The following TM2D3 variants were observed in gnomAD, a reference collection of about 807,000 sequenced individuals.
The protein encoded by TM2D3 is TM2 domain containing 3.
A neutral mutation model predicts 27.3 loss-of-function variants in TM2D3; 33 were observed. The observed-to-expected ratio is 1.21, with a 90% CI of 0.92 to 1.61. TM2D3 has a LOEUF of 1.61. Among genes scored for constraint, TM2D3 ranks in the 40% most tolerant of loss-of-function variants. TM2D3 has a pLI of 0.00. For missense variants in TM2D3, 364 were observed against 320.8 expected, an observed-to-expected ratio of 1.13 and a Z score of -1.03; for synonymous variants, 138 against 122.2, an observed-to-expected ratio of 1.13 and a Z score of -0.85.
chr15:101,648,458 CTTTT>C lies in TM2D3; in HGVS notation c.327+1542_327+1545del, dbSNP rs963961918. On this transcript the variant is annotated intron_variant, in intron 3 of 5. Transcript: ENST00000333202. ...TTTTCAGTGATGTGCTTAAAACACACTTTTTTTAATGGTTTTTTAAAAAGTAGGT... is the reference window on the plus strand; with the variant it reads ...TTTTCAGTGATGTGCTTAAAACACACTTTAATGGTTTTTTAAAAAGTAGGT... 6 of 152,140 alleles carry C rather than the reference CTTTT, an allele frequency of 3.9e-5. No individual in the cohort carries two copies. The East Asian group carries it at 7.7e-4, about 20-fold the overall frequency. 9.4% of individuals were successfully genotyped at this position (152,140 alleles called of 1,614,324 possible).
At chr15:101,650,205 T>G in intron 2 of TM2D3, 44 bp from the exon 3 acceptor site, 1 of 1,574,980 alleles carries the variant, frequency 6.3e-7, no homozygotes, top group Non-Finnish European at 8.7e-7. Context: ...TAATACTGAT[T>G]CGAATAACAG....
In TM2D3 at chr15:101,652,331, G is replaced by C. The variant is rs376907195; in HGVS notation, c.31C>G (p.Leu11Val). MAGGVLPLRG[L>V]RALCRVLLFL... ...AGCAGCACGCGACACAAGGCGCGGA[G>C]GCCCCTCAGCGGGAGCACCCCTCCC... Residue 11 changes from leucine (L) to valine (V), a missense_variant, in exon 1 of 6, where the codon CTC (leucine) becomes GTC (valine). Physicochemically the swap from Leu to Val is conservative, Grantham distance 32. Transcript: ENST00000333202. The C allele has an allele frequency of 6.2e-7, 1 of 1,602,050 alleles. No individual in the cohort carries two copies. The highest frequency in any genetic ancestry group is 8.5e-7 in the Non-Finnish European group (1 of 1,175,104).
intron 1 of TM2D3, 55 bp downstream of exon 1, chr15:101,652,216 C>T: frequency 1.3e-6 from 2 of 1,509,046 alleles, no homozygotes; most frequent in East Asian, 2.4e-5. Flanking sequence ...TCGCAGCTCC[C>T]GGGGCCCTGC....
chr15:101,638,347 T>G (rs148392699), downstream of TM2D3, among the ~76,000 whole-genome samples: 462 of 149,666 alleles, frequency 3.1e-3, 4 homozygotes, highest in African/African-American at 0.011. Context: ...CAGGCTGGAG[T>G]GCAATGGTAT....
rs1434094086 is a variant in TM2D3 at position 101,642,559 on chromosome 15, G to A, written c.664C>T (p.Leu222=). 6.2e-7 allele frequency: 1 copy of A among 1,613,064 alleles called. No individual in the cohort carries two copies. The highest frequency in any genetic ancestry group is 1.3e-5 in the African/African-American group (1 of 74,884). The change falls in exon 6 of 6, where the codon CTG becomes TTG. Residue 222 remains leucine (L), a synonymous_variant. Transcript: ENST00000333202. ...ACGTCTATCAGCGTCCATATTCCCA[G>A]GCCACCGAAGCTGAAGAGCTTGCCG... is the stretch of plus-strand genomic sequence containing the variant. ...GLGKLFSFGG[L]GIWTLIDVLL...
downstream of TM2D3, among the ~76,000 whole-genome samples, chr15:101,637,905 A>T (rs991050909): frequency 6.6e-6 from 1 of 152,130 alleles, no homozygotes; most frequent in Non-Finnish European, 1.5e-5. Flanking sequence ...CTCTTCGAGC[A>T]TTTTGCAAGT....
At chr15:101,642,847 CA>C (rs1740419680) in intron 5 of TM2D3, among the ~76,000 whole-genome samples, 1 of 152,154 alleles carries the variant, frequency 6.6e-6, no homozygotes, top group Non-Finnish European at 1.5e-5. Flanking sequence ...CAAAAGTAAA[CA>C]TACAATTTTT....
chr15:101,637,602 A>T (rs1896577542), downstream of TM2D3, among the ~76,000 whole-genome samples: 1 of 152,184 alleles, frequency 6.6e-6, no homozygotes, highest in Admixed American at 6.5e-5. Flanking sequence ...AGCCCCTTAG[A>T]TAGGAATTTG....
intron 3 of TM2D3, 32 bp from the exon 4 acceptor site, chr15:101,646,931 C>G (rs1193455770): frequency 1.2e-6 from 2 of 1,612,576 alleles, no homozygotes; most frequent in African/African-American, 2.7e-5. Flanking sequence ...ACTCATCAAT[C>G]ACAATGGTGT....
Position 101,642,753 on chromosome 15 carries a change from T to G in TM2D3, c.579-109A>C, listed in dbSNP as rs529367398. The stretch of plus-strand genomic sequence containing the variant: ...AGATTTGAGAAAGGGCTTCCCCTGA[T>G]CGTAGCCCTTAACTGGAACACAAGT... On this transcript the variant is annotated intron_variant, in intron 5 of 5. Transcript: ENST00000333202. 5 of 858,046 alleles carry G rather than the reference T, an allele frequency of 5.8e-6. No individual in the cohort carries two copies. In the Admixed American group the frequency reaches 1.5e-4, roughly 25 times the overall value. The allele number at this position is 858,046 out of a possible 1,614,324, so 53.2% of individuals were successfully genotyped here.
chr15:101,642,967 GTCA>G (rs982353055), intron 5 of TM2D3, among the ~76,000 whole-genome samples: 5 of 152,060 alleles, frequency 3.3e-5, no homozygotes, highest in African/African-American at 1.2e-4. Context: ...CTAACACGGG[GTCA>G]GGGCTGGAGT....
intron 4 of TM2D3, chr15:101,645,480 G>C: frequency 3.3e-6 from 1 of 306,366 alleles, no homozygotes; most frequent in Non-Finnish European, 6.1e-6. Flanking sequence ...AGAAAGTCAA[G>C]AACCAGAAAT....
At chr15:101,646,547 A>G (rs1195109081) in intron 4 of TM2D3, 178 bp downstream of exon 4, 6 of 641,950 alleles carry the variant, frequency 9.3e-6, no homozygotes, top group Non-Finnish European at 1.6e-5. Flanking sequence ...AAGAACTGCA[A>G]TTTTCTGGAT....
At chr15:101,641,522 T>G (rs1271988158), downstream of TM2D3, among the ~76,000 whole-genome samples, 2 of 152,260 alleles carry the variant, frequency 1.3e-5, no homozygotes, top group Non-Finnish European at 2.9e-5. Context: ...TTAACAGTCT[T>G]CTGGATAATA....
At chr15:101,644,984 G>A in intron 5 of TM2D3, 103 bp downstream of exon 5, 1 of 985,684 alleles carries the variant, frequency 1.0e-6, no homozygotes. Flanking sequence ...CACGTGGTAG[G>A]ATCTGAGTGA....
At chr15:101,651,957 G>A (rs1567314863) in intron 1 of TM2D3, 184 bp from the exon 2 acceptor site, 1 of 633,802 alleles carries the variant, frequency 1.6e-6, no homozygotes, top group African/African-American at 1.8e-5. Context: ...ATCAGTTCAG[G>A]TCAGCCGGCA....
At chr15:101,651,972 G>A (rs1374767490) in intron 1 of TM2D3, 199 bp from the exon 2 acceptor site, 2 of 605,952 alleles carry the variant, frequency 3.3e-6, no homozygotes, top group Non-Finnish European at 2.9e-6. Context: ...CCGGCAACGA[G>A]GGACCGAAGG....
chr15:101,642,501 G>A lies in TM2D3; in HGVS notation c.722C>T (p.Ala241Val). ...CAGCTAAATGTACAAAGAGCCATCT[G>A]CTGGTCCAACATAGCCAACTCCAAT... ...LLIGVGYVGP[A>V]DGSLYI The change falls in exon 6 of 6, where the codon GCA becomes GTA. Residue 241 changes from alanine (A) to valine (V), a missense_variant. Ala to Val is a moderately conservative substitution (Grantham distance 64, BLOSUM62 0). Transcript: ENST00000333202. 4 of 1,612,730 alleles carry A rather than the reference G, an allele frequency of 2.5e-6. No individual in the cohort carries two copies. Among genetic ancestry groups the A allele is most frequent in the Non-Finnish European group, 3.4e-6 (4 of 1,179,330 alleles).
intron 3 of TM2D3, 84 bp from the exon 4 acceptor site, chr15:101,646,983 C>T: frequency 1.4e-6 from 2 of 1,473,268 alleles, no homozygotes; most frequent in Non-Finnish European, 9.4e-7. Context: ...TCACATGGCA[C>T]AAAATTCCGT....
Sources: allele counts gnomAD v4.1 joint callset (sites outside exome capture counted in the v4.1 genomes callset), GRCh38; gene constraint gnomAD v4.1.1; transcripts MANE v1.5; gene names NCBI Gene and HGNC (gene_info 2026-07-23, HGNC 2026-07-21).